Variants in PDE4D observed in about 807,000 individuals in gnomAD.
The protein encoded by PDE4D is phosphodiesterase 4D, also known as 3',5'-cyclic-AMP phosphodiesterase 4D.
Under a neutral mutation model 87.4 loss-of-function variants are expected in PDE4D, and 24 were observed. That is an observed-to-expected ratio of 0.27 (90% confidence interval 0.20 to 0.39). The LOEUF (loss-of-function observed/expected upper bound fraction) is 0.39. Ranked by LOEUF, PDE4D falls within the 10% of genes least tolerant of loss-of-function variation. The probability of loss-of-function intolerance (pLI) is 1.00; values close to 1 mark genes in which losing one functional copy is unlikely to be tolerated. For missense variants in PDE4D, 714 were observed against 1,041.0 expected (o/e 0.69, Z 4.32); for synonymous variants, 384 against 383.2 (o/e 1.00, Z -0.02).
At chr5:59,383,851 AT>A (rs1786409518) in intron 1 of PDE4D, among the ~76,000 whole-genome samples, 1 of 152,128 alleles carries the variant, frequency 6.6e-6, no homozygotes, top group Non-Finnish European at 1.5e-5. Flanking sequence ...TTAATTTTTA[AT>A]TAAATTTTTA....
intron 2 of PDE4D, among the ~76,000 whole-genome samples, chr5:60,175,444 G>A (rs776541808): frequency 2.0e-5 from 3 of 151,726 alleles, no homozygotes; most frequent in African/African-American, 4.8e-5. Flanking sequence ...TTATCTCTTC[G>A]GAGTGCTTTC....
chr5:60,459,331 C>T (rs1227702766), intron 1 of PDE4D, among the ~76,000 whole-genome samples: 1 of 152,150 alleles, frequency 6.6e-6, no homozygotes, highest in Non-Finnish European at 1.5e-5. Context: ...ACTTAACCTA[C>T]CCAAACATCT....
intron 1 of PDE4D, among the ~76,000 whole-genome samples, chr5:59,330,438 C>G (rs1776513854): frequency 6.6e-6 from 1 of 152,136 alleles, no homozygotes. Flanking sequence ...GCACAATTCT[C>G]TCCTGCAGAG....
chr5:59,424,112 T>G (rs1206648446), intron 1 of PDE4D, among the ~76,000 whole-genome samples: 1 of 152,138 alleles, frequency 6.6e-6, no homozygotes, highest in Admixed American at 6.5e-5. Context: ...CTTCCAGGTC[T>G]GGGCCATAAG....
intron 2 of PDE4D, among the ~76,000 whole-genome samples, chr5:59,201,226 CAA>C (rs1037036801): frequency 6.6e-6 from 1 of 151,930 alleles, no homozygotes; most frequent in Non-Finnish European, 1.5e-5. Context: ...ATACATAAGA[CAA>C]AGGTAAATAT....
chr5:59,896,600 G>T (rs1464220022), upstream of PDE4D, among the ~76,000 whole-genome samples: 1 of 152,170 alleles, frequency 6.6e-6, no homozygotes, highest in Non-Finnish European at 1.5e-5. Context: ...GAGGATCAAG[G>T]CATCGGCATT....
intron 1 of PDE4D, chr5:59,275,223 C>T: frequency 1.3e-6 from 1 of 796,998 alleles, no homozygotes; most frequent in Non-Finnish European, 2.0e-6. Context: ...ATAAAAGAGC[C>T]GCCAATACTG....
intron 11 of PDE4D, among the ~76,000 whole-genome samples, chr5:58,977,797 A>AACAATAAGGAATCATAT (rs1225229136): frequency 1.3e-5 from 2 of 152,204 alleles, no homozygotes; most frequent in Admixed American, 6.5e-5. Flanking sequence ...AGGGTACAAG[A>AACAATAAGGAATCATAT]ACAATAAGGA....
chr5:59,849,260 T>C (rs570585776), intron 1 of PDE4D, among the ~76,000 whole-genome samples: 1 of 152,132 alleles, frequency 6.6e-6, no homozygotes, highest in Non-Finnish European at 1.5e-5. Flanking sequence ...AAAATCATTA[T>C]TTAATAGAGA....
intron 6 of PDE4D, among the ~76,000 whole-genome samples, chr5:59,011,443 G>T (rs1413708297): frequency 6.6e-6 from 1 of 152,114 alleles, no homozygotes; most frequent in Non-Finnish European, 1.5e-5. Flanking sequence ...GCATAGAGAA[G>T]ACCTTAAATG....
At position 60,214,683 on chromosome 5, in the gene PDE4D, G is replaced by A. The variant is rs1743644386; in HGVS notation, c.-89-28996C>T. Among the ~76,000 whole-genome samples the A allele has an allele frequency of 3.3e-5, 5 of 152,094 alleles. No homozygotes were observed. In the South Asian group the frequency reaches 1.0e-3, roughly 32 times the overall value. ...ATTATGGACAAGTATTTTAACCATG[G>A]TGCATGGTCCTTCAGAAACTGAACA... is the stretch of plus-strand genomic sequence containing the variant. On this transcript the variant is annotated intron_variant, in intron 1 of 16. Coordinates refer to the PDE4D transcript ENST00000502484.
chr5:59,295,388 C>T (rs1429769466), intron 1 of PDE4D, among the ~76,000 whole-genome samples: 1 of 152,160 alleles, frequency 6.6e-6, no homozygotes, highest in African/African-American at 2.4e-5. Flanking sequence ...CAGCCCAGCA[C>T]AAACTGTAAA....
chr5:59,444,860 T>A (rs1798129873), intron 1 of PDE4D, among the ~76,000 whole-genome samples: 1 of 152,106 alleles, frequency 6.6e-6, no homozygotes, highest in Non-Finnish European at 1.5e-5. Flanking sequence ...CCTCCCTACA[T>A]ATTGCCAGCT....
At chr5:59,862,634 T>G (rs1024482547) in intron 1 of PDE4D, among the ~76,000 whole-genome samples, 3 of 152,226 alleles carry the variant, frequency 2.0e-5, no homozygotes, top group Non-Finnish European at 4.4e-5. Flanking sequence ...GTTTTGAGCA[T>G]GAGTGTAGGC....
At chr5:59,086,527 A>G (rs1193580673) in intron 5 of PDE4D, among the ~76,000 whole-genome samples, 1 of 151,820 alleles carries the variant, frequency 6.6e-6, no homozygotes, top group East Asian at 1.9e-4. Flanking sequence ...TAGTCTACTC[A>G]TTGCCTGTGT....
chr5:59,550,973 G>A (rs1818021015), intron 1 of PDE4D, among the ~76,000 whole-genome samples: 2 of 152,092 alleles, frequency 1.3e-5, no homozygotes. Context: ...TGGGATTATA[G>A]GCGTGAGCCA....
At chr5:60,449,067 CCGCGCA>C (rs1434966526) in intron 1 of PDE4D, among the ~76,000 whole-genome samples, 33 of 129,686 alleles carry the variant, frequency 2.5e-4, no homozygotes, top group Non-Finnish European at 3.2e-4. Flanking sequence ...CCCCAACTGC[CCGCGCA>C]CACACACACA....
At chr5:60,023,495 A>G (rs960272817) in intron 2 of PDE4D, among the ~76,000 whole-genome samples, 1 of 152,008 alleles carries the variant, frequency 6.6e-6, no homozygotes, top group Non-Finnish European at 1.5e-5. Flanking sequence ...ATCTGTCTTC[A>G]TTTCCCCACT....
At chr5:59,305,170 T>A (rs1396250493) in intron 1 of PDE4D, among the ~76,000 whole-genome samples, 1 of 152,164 alleles carries the variant, frequency 6.6e-6, no homozygotes, top group Non-Finnish European at 1.5e-5. Context: ...GGTTTTCTAG[T>A]TTATGTGCAT....
Sources: gnomAD v4.1 joint callset for allele counts (sites outside exome capture counted in the v4.1 genomes callset) on GRCh38, gnomAD v4.1.1 for gene constraint, MANE v1.5 for transcripts, NCBI Gene and HGNC (gene_info 2026-07-23, HGNC 2026-07-21) for gene names.